The following NCALD variants were observed in gnomAD, a reference collection of about 807,000 sequenced individuals.
The protein encoded by NCALD is neurocalcin-delta.
NCALD carries 10 observed loss-of-function variants against 18.6 expected under a neutral mutation model. The ratio of observed to expected loss-of-function variants is 0.54; its 90% CI spans 0.33 to 0.91. The LOEUF (loss-of-function observed/expected upper bound fraction) is 0.91. NCALD is among the 40% of genes least tolerant of loss of function. The pLI, the probability that NCALD is intolerant of heterozygous loss-of-function variation, is 0.03. For synonymous variants in NCALD, 88 were observed against 87.4 expected, an observed-to-expected ratio of 1.01 and a Z score of -0.04; for missense variants, 184 against 247.6, an observed-to-expected ratio of 0.74 and a Z score of 1.72.
chr8:101,696,142 A>G (rs1814980254), intron 2 of NCALD, among the ~76,000 whole-genome samples: 1 of 152,136 alleles, frequency 6.6e-6, no homozygotes, highest in Non-Finnish European at 1.5e-5. Flanking sequence ...AAGCTGATCC[A>G]TAGACCCCAG....
chr8:101,791,692 T>A (rs936470380), upstream of NCALD, among the ~76,000 whole-genome samples: 3 of 151,402 alleles, frequency 2.0e-5, no homozygotes, highest in African/African-American at 7.3e-5. Context: ...ACCGAAGGAG[T>A]TTCAAAACAG....
chr8:101,857,501 C>T (rs755088142), intron 4 of NCALD, among the ~76,000 whole-genome samples: 1 of 152,186 alleles, frequency 6.6e-6, no homozygotes, highest in Non-Finnish European at 1.5e-5. Flanking sequence ...ATAATAGGGA[C>T]TTCAGACTTC....
chr8:101,781,255 T>C (rs1281145625), intron 1 of NCALD, among the ~76,000 whole-genome samples: 3 of 152,170 alleles, frequency 2.0e-5, no homozygotes, highest in Admixed American at 6.5e-5. Context: ...TGTACCAAGG[T>C]TGGTACCACG....
At chr8:101,731,439 C>G (rs987455289) in intron 1 of NCALD, among the ~76,000 whole-genome samples, 1 of 152,130 alleles carries the variant, frequency 6.6e-6, no homozygotes, top group Non-Finnish European at 1.5e-5. Context: ...GCCGTTATAA[C>G]CCAACTACAC....
intron 1 of NCALD, among the ~76,000 whole-genome samples, chr8:102,032,389 G>A (rs1269708): frequency 0.89 from 135,309 of 152,128 alleles, 60,298 homozygotes; most frequent in South Asian, 0.95. Flanking sequence ...ATACTCCATT[G>A]TATAGCAGCA....
At chr8:101,932,114 C>A (rs1818597728) in intron 2 of NCALD, among the ~76,000 whole-genome samples, 1 of 152,130 alleles carries the variant, frequency 6.6e-6, no homozygotes, top group Non-Finnish European at 1.5e-5. Flanking sequence ...GAAGGCAGAT[C>A]GAGGTGAGTG....
intron 2 of NCALD, among the ~76,000 whole-genome samples, chr8:101,700,163 C>A (rs1289074729): frequency 3.3e-5 from 5 of 152,086 alleles, no homozygotes; most frequent in Admixed American, 1.3e-4. Flanking sequence ...TGGTCTCAGA[C>A]AATCCTCCTG....
At chr8:101,896,455 G>A (rs1228869985) in intron 3 of NCALD, among the ~76,000 whole-genome samples, 3 of 152,018 alleles carry the variant, frequency 2.0e-5, no homozygotes, top group Non-Finnish European at 4.4e-5. Flanking sequence ...ATAGGCATGG[G>A]CAAGGACTTC....
chr8:101,953,978 C>G (rs1406763779), intron 2 of NCALD, among the ~76,000 whole-genome samples: 1 of 152,190 alleles, frequency 6.6e-6, no homozygotes, highest in Non-Finnish European at 1.5e-5. Context: ...AGGTAGTCAG[C>G]AACAGAATTG....
intron 2 of NCALD, among the ~76,000 whole-genome samples, chr8:101,967,172 G>A (rs1011111654): frequency 2.0e-5 from 3 of 152,040 alleles, no homozygotes; most frequent in African/African-American, 2.4e-5. Flanking sequence ...TGATAACATC[G>A]TGCTTACTAT....
intron 1 of NCALD, among the ~76,000 whole-genome samples, chr8:102,065,306 G>A (rs1245468777): frequency 3.3e-5 from 5 of 151,532 alleles, no homozygotes; most frequent in South Asian, 2.1e-4. Flanking sequence ...ATACGCAGGC[G>A]CCACCACCCA....
chr8:102,084,625 A>G lies in NCALD; in HGVS notation c.-210+39612T>C, dbSNP rs572815390. Among the ~76,000 whole-genome samples, 5 of 152,296 alleles carry G rather than the reference A, an allele frequency of 3.3e-5. No homozygotes were observed. In the East Asian group the frequency reaches 7.7e-4, roughly 23 times the overall value. ...GGGAGGGGCGCCACACGCAATGTGA[A>G]ATTATACACAAGCTCACTTGAGGCG... is the stretch of plus-strand genomic sequence containing the variant. On this transcript the variant is annotated intron_variant, in intron 1 of 6. Coordinates refer to the NCALD transcript ENST00000311028.
chr8:101,689,938 C>T lies in NCALD; in HGVS notation c.485-532G>A, dbSNP rs886080662. On this transcript the variant is annotated intron_variant, in intron 3 of 3. Transcript: ENST00000220931. This position sits in a 1 kb window ranked among gnomAD's most constrained non-coding sequence, Gnocchi z 4.4. ...CCTATCTTGGGGAAGAAGCCGTGGA[C>T]GTAAGTGTTTGTTCATACACCACGG... Among the ~76,000 whole-genome samples, 2 of 152,202 alleles carry T rather than the reference C, an allele frequency of 1.3e-5. No homozygotes were observed. Among genetic ancestry groups the T allele is most frequent in the South Asian group, 2.1e-4 (1 of 4,830 alleles).
intron 4 of NCALD, among the ~76,000 whole-genome samples, chr8:101,880,418 C>G (rs900946485): frequency 1.3e-5 from 2 of 152,166 alleles, no homozygotes; most frequent in Admixed American, 6.5e-5. Context: ...GCAGAGGGAG[C>G]TGGCTCTGGC....
chr8:101,984,532 C>G (rs933563933), intron 2 of NCALD, among the ~76,000 whole-genome samples: 1 of 152,184 alleles, frequency 6.6e-6, no homozygotes, highest in Non-Finnish European at 1.5e-5. Flanking sequence ...GACTCAAAAA[C>G]AACTCTCAGA....
At chr8:101,901,708 A>G (rs949020743) in intron 3 of NCALD, among the ~76,000 whole-genome samples, 5 of 152,258 alleles carry the variant, frequency 3.3e-5, no homozygotes, top group Middle Eastern at 3.4e-3. Context: ...TTTTGCTTTA[A>G]CCATGAAATA....
At chr8:102,101,745 T>C (rs966825108) in intron 1 of NCALD, among the ~76,000 whole-genome samples, 4 of 152,300 alleles carry the variant, frequency 2.6e-5, no homozygotes, top group East Asian at 1.9e-4. Flanking sequence ...TAGAAATGAA[T>C]GCCCCTTTGA....
chr8:101,830,327 G>A (rs926649179), intron 4 of NCALD, among the ~76,000 whole-genome samples: 6 of 152,150 alleles, frequency 3.9e-5, no homozygotes, highest in African/African-American at 7.2e-5. Flanking sequence ...TTGGGAGGCC[G>A]AGGCAGGCGG....
intron 2 of NCALD, among the ~76,000 whole-genome samples, chr8:101,966,596 A>G (rs1388936902): frequency 6.6e-6 from 1 of 152,122 alleles, no homozygotes; most frequent in African/African-American, 2.4e-5. Context: ...ACAAACCTGC[A>G]CATTGTGCAC....
Sources: gnomAD v4.1 joint callset for allele counts (sites outside exome capture counted in the v4.1 genomes callset) on GRCh38, gnomAD v4.1.1 for gene constraint, Gnocchi (gnomAD v3.1) non-coding constraint, MANE v1.5 for transcripts, NCBI Gene and HGNC (gene_info 2026-07-23, HGNC 2026-07-21) for gene names.